The following SRGAP2B variants were observed in gnomAD, a reference collection of about 807,000 sequenced individuals.
The protein encoded by SRGAP2B is SLIT-ROBO Rho GTPase-activating protein 2B.
In SRGAP2B, 9 loss-of-function variants were observed where a neutral mutation model predicts 22.2. The ratio of observed to expected loss-of-function variants is 0.41; its 90% CI spans 0.24 to 0.71. The LOEUF is 0.71. SRGAP2B is among the 30% of genes least tolerant of loss of function. The pLI, the probability that SRGAP2B is intolerant of heterozygous loss-of-function variation, is 0.35. For synonymous variants in SRGAP2B, 36 were observed against 87.4 expected (o/e 0.41, Z 3.28); for missense variants, 114 against 235.8 (o/e 0.48, Z 3.38).
chr1:144,927,028 C>A (rs2101811814), intron 4 of SRGAP2B, among the ~76,000 whole-genome samples: 1 of 151,598 alleles, frequency 6.6e-6, no homozygotes, highest in South Asian at 2.1e-4. Context: ...CGTTTCACTG[C>A]AAGCTCTGCC....
rs1672226903 is a variant in SRGAP2B, at chr1:145,013,805, T to C, written c.68-18605A>G. On this transcript the variant is annotated intron_variant, in intron 2 of 9. Transcript: ENST00000612199. ...TGTCTTCCCAATTATCCCTTTATAATTGGGCAGTTTAGAGCCTCAGATATA... is the reference window on the plus strand; with the variant it reads ...TGTCTTCCCAATTATCCCTTTATAACTGGGCAGTTTAGAGCCTCAGATATA... Among the ~76,000 whole-genome samples the C allele has an allele frequency of 2.0e-5, 3 of 150,756 alleles. 1 individual carries two copies. Among genetic ancestry groups the C allele is most frequent in the South Asian group, 4.2e-4 (2 of 4,796 alleles).
At chr1:144,985,333 T>A (rs1433833351) in intron 3 of SRGAP2B, among the ~76,000 whole-genome samples, 2 of 141,720 alleles carry the variant, frequency 1.4e-5, no homozygotes. Flanking sequence ...TGACAGTGGG[T>A]TATAAAATAG....
chr1:144,970,082 A>C (rs1273849072), intron 3 of SRGAP2B, among the ~76,000 whole-genome samples: 5 of 148,814 alleles, frequency 3.4e-5, no homozygotes, highest in Non-Finnish European at 5.9e-5. Flanking sequence ...TGTGGAAGTC[A>C]GTGTGGCGAT....
chr1:144,922,586 AG>A (rs1553604452), intron 4 of SRGAP2B, among the ~76,000 whole-genome samples: 1 of 150,828 alleles, frequency 6.6e-6, no homozygotes, highest in African/African-American at 2.5e-5. Flanking sequence ...CTTAGCAGAA[AG>A]GAAGAAATGA....
chr1:144,944,756 G>A (rs1380466608), intron 4 of SRGAP2B, among the ~76,000 whole-genome samples: 2 of 140,420 alleles, frequency 1.4e-5, no homozygotes, highest in African/African-American at 5.5e-5. Context: ...CTGTCTCCCA[G>A]GCTGGAGTGC....
chr1:144,974,877 G>A (rs1387261310), intron 3 of SRGAP2B, among the ~76,000 whole-genome samples: 1 of 149,822 alleles, frequency 6.7e-6, no homozygotes, highest in Non-Finnish European at 1.5e-5. Context: ...TGATGCTGAT[G>A]CTGATGCTGA....
At chr1:145,026,022 G>C (rs1175028788) in intron 2 of SRGAP2B, among the ~76,000 whole-genome samples, 1 of 84,258 alleles carries the variant, frequency 1.2e-5, no homozygotes, top group African/African-American at 4.3e-5. Context: ...AGAAAAACTA[G>C]GGGGTTGGGG....
intron 2 of SRGAP2B, among the ~76,000 whole-genome samples, chr1:145,044,418 C>T (rs1393170392): frequency 7.6e-6 from 1 of 131,636 alleles, no homozygotes; most frequent in Non-Finnish European, 1.6e-5. Flanking sequence ...TTGGTCACTA[C>T]AGTGGAGGTT....
intron 2 of SRGAP2B, among the ~76,000 whole-genome samples, chr1:145,020,775 G>GA (rs1490927146): frequency 6.8e-6 from 1 of 147,794 alleles, no homozygotes; most frequent in African/African-American, 2.5e-5. Flanking sequence ...GTGGCTAAAA[G>GA]AAAAAAAGGG....
intron 2 of SRGAP2B, among the ~76,000 whole-genome samples, chr1:145,020,356 G>GT (rs1269259235): frequency 7.9e-6 from 1 of 126,164 alleles, no homozygotes; most frequent in Non-Finnish European, 1.6e-5. Context: ...GAGCCCAGGA[G>GT]TTGGAGGCTG....
In SRGAP2B at chr1:145,076,128, A is replaced by G. The variant is rs4314902; in HGVS notation, c.67+16707T>C. Reference sequence around the variant, plus strand: ...AGAGAAATATACATGTATCTTCCCTAGTAAGATGCAAAACCTACTTTTCTA... The same window carrying G: ...AGAGAAATATACATGTATCTTCCCTGGTAAGATGCAAAACCTACTTTTCTA... On this transcript the variant is annotated intron_variant, in intron 2 of 9. Coordinates refer to ENST00000612199, the Ensembl canonical transcript of SRGAP2B. Among the ~76,000 whole-genome samples the G allele has an allele frequency of 4.7e-5, 7 of 150,402 alleles. No homozygotes were observed. The East Asian group carries it at 5.8e-4, about 12-fold the overall frequency.
intron 2 of SRGAP2B, among the ~76,000 whole-genome samples, chr1:145,063,606 G>A (rs1379484960): frequency 1.3e-5 from 2 of 150,976 alleles, no homozygotes; most frequent in African/African-American, 4.9e-5. Flanking sequence ...GAATATACAA[G>A]GGGAAAAACA....
chr1:144,975,365 G>C (rs1163095398), intron 3 of SRGAP2B, among the ~76,000 whole-genome samples: 1 of 149,632 alleles, frequency 6.7e-6, no homozygotes, highest in African/African-American at 2.6e-5. Context: ...GATTGCAATT[G>C]CAAGTGGTAT....
chr1:144,976,081 C>A (rs587720394), intron 3 of SRGAP2B, among the ~76,000 whole-genome samples: 1 of 148,360 alleles, frequency 6.7e-6, no homozygotes, highest in East Asian at 2.0e-4. Context: ...AGGGTTTCAC[C>A]GTGTTAGCCA....
intron 2 of SRGAP2B, among the ~76,000 whole-genome samples, chr1:145,058,121 T>C (rs1302207302): frequency 3.3e-5 from 5 of 149,906 alleles, no homozygotes; most frequent in African/African-American, 1.3e-4. Flanking sequence ...TTTGGGATCC[T>C]GGATCCCAGT....
At chr1:144,991,807 T>C (rs1553617254) in intron 3 of SRGAP2B, among the ~76,000 whole-genome samples, 1 of 142,836 alleles carries the variant, frequency 7.0e-6, no homozygotes, top group Non-Finnish European at 1.5e-5. Flanking sequence ...ATCTCAGGGA[T>C]TGTAAATGCA....
At chr1:144,985,734 G>A (rs1230804552) in intron 3 of SRGAP2B, among the ~76,000 whole-genome samples, 1 of 149,594 alleles carries the variant, frequency 6.7e-6, no homozygotes, top group Admixed American at 6.6e-5. Context: ...CAGAATTTCA[G>A]ACATTAGCAG....
At position 144,956,427 on chromosome 1, in the gene SRGAP2B, G is replaced by A. The variant is rs1266684802; in HGVS notation, c.261-826C>T. ...GTGGAGCAGTAAAGTGCTAAACCAA[G>A]GTGCTCATTCCCTTTTTTTTTTTTT... On this transcript the variant is annotated intron_variant, in intron 3 of 9. Coordinates refer to ENST00000612199, the Ensembl canonical transcript of SRGAP2B. Among the ~76,000 whole-genome samples, 10 of 138,354 alleles carry A rather than the reference G, an allele frequency of 7.2e-5. No homozygotes were observed. In the Admixed American group the frequency reaches 7.3e-4, roughly 10 times the overall value. The allele number at this position is 138,354 out of a possible 152,430, so 90.8% of individuals were successfully genotyped here.
At position 145,047,141 on chromosome 1, in the gene SRGAP2B, ACCC is replaced by A. The variant is rs587773909; in HGVS notation, c.67+45691_67+45693del. On this transcript the variant is annotated intron_variant, in intron 2 of 9. Coordinates refer to ENST00000612199, the Ensembl canonical transcript of SRGAP2B. ...CAATGAGCCAAGATCGCACCACTGC[ACCC>A]CAGACTGGGCAACAGAGCAAGACTC... 1.4e-3 allele frequency among the ~76,000 whole-genome samples: 190 copies of A among 133,308 alleles called. 5 individuals are homozygous for A. Among genetic ancestry groups the A allele is most frequent in the South Asian group, 6.9e-3 (27 of 3,892 alleles). The allele number at this position is 133,308 out of a possible 152,430, so 87.5% of individuals were successfully genotyped here.
Sources: allele counts gnomAD v4.1 joint callset (sites outside exome capture counted in the v4.1 genomes callset), GRCh38; gene constraint gnomAD v4.1.1; transcripts MANE v1.5; gene names NCBI Gene and HGNC (gene_info 2026-07-23, HGNC 2026-07-21).